Variants in ZNF536 observed in about 807,000 individuals in gnomAD.
ZNF536 encodes the protein zinc finger protein 536.
Under a neutral mutation model 84.5 loss-of-function variants are expected in ZNF536, and 13 were observed. That is an observed-to-expected ratio of 0.15 (90% confidence interval 0.10 to 0.24). The LOEUF (loss-of-function observed/expected upper bound fraction) is 0.24, where lower values mean the gene tolerates loss of function less well. ZNF536 is among the 10% of genes least tolerant of loss of function. The pLI is 1.00. For synonymous variants in ZNF536, 811 were observed against 742.5 expected (o/e 1.09, Z -1.50); for missense variants, 1,536 against 1,747.5 (o/e 0.88, Z 2.16).
chr19:30,634,802 C>T (rs1215475789), intron 1 of ZNF536, among the ~76,000 whole-genome samples: 1 of 151,980 alleles, frequency 6.6e-6, no homozygotes. Context: ...ATGGCTGCAT[C>T]TCCAGACCCC....
intron 2 of ZNF536, among the ~76,000 whole-genome samples, chr19:30,316,841 C>G (rs2046694737): frequency 6.6e-6 from 1 of 152,194 alleles, no homozygotes; most frequent in African/African-American, 2.4e-5. Flanking sequence ...CCGTGGAATC[C>G]CGTGCTGAGC....
At chr19:30,700,753 A>T (rs780784651) in intron 1 of ZNF536, among the ~76,000 whole-genome samples, 7 of 152,194 alleles carry the variant, frequency 4.6e-5, no homozygotes, top group African/African-American at 9.7e-5. Context: ...GGTCAAATGT[A>T]TCCAATTGAC....
chr19:30,617,964 T>C (rs977183278), intron 1 of ZNF536, among the ~76,000 whole-genome samples: 1 of 151,524 alleles, frequency 6.6e-6, no homozygotes, highest in Non-Finnish European at 1.5e-5. Flanking sequence ...ACAAAAAGAG[T>C]GTTTGTTTTC....
chr19:30,358,139 T>C (rs766323865), intron 3 of ZNF536, among the ~76,000 whole-genome samples: 2 of 152,316 alleles, frequency 1.3e-5, no homozygotes, highest in Non-Finnish European at 1.5e-5. Flanking sequence ...GGTACTGTCC[T>C]CCTGAATTCT....
intron 2 of ZNF536, among the ~76,000 whole-genome samples, chr19:30,326,795 T>TTTTTTTTTTTTTG: frequency 8.5e-6 from 1 of 117,146 alleles, no homozygotes; most frequent in Non-Finnish European, 1.7e-5. Context: ...AAAAAGCTTT[T>TTTTTTTTTTTTTG]TTTTTTTTTT....
In ZNF536 at chr19:30,444,340, C is replaced by A. The variant is rs1246755420; in HGVS notation, c.778C>A (p.Pro260Thr). Residue 260 changes from proline (P) to threonine (T), a missense_variant, in exon 2 of 5, where the codon CCT becomes ACT. Transcript: ENST00000355537. ...DVAHPVPSPK[P>T]ASVQEDAVAP... ...GGCCCACCCGGTGCCCTCGCCCAAGCCTGCCAGCGTGCAGGAGGACGCGGT... is the reference window on the plus strand; with the variant it reads ...GGCCCACCCGGTGCCCTCGCCCAAGACTGCCAGCGTGCAGGAGGACGCGGT... The A allele has an allele frequency of 6.3e-7, 1 of 1,596,134 alleles. No individual in the cohort carries two copies. The highest frequency in any genetic ancestry group is 2.2e-5 in the East Asian group (1 of 44,644).
At chr19:30,378,549 G>A (rs1364171112) in intron 1 of ZNF536, among the ~76,000 whole-genome samples, 5 of 152,188 alleles carry the variant, frequency 3.3e-5, no homozygotes, top group Non-Finnish European at 5.9e-5. Context: ...TCCCACACAT[G>A]CTAGTGGTGC....
At chr19:30,242,589 C>T (rs1221454319) in intron 1 of ZNF536, among the ~76,000 whole-genome samples, 1 of 152,176 alleles carries the variant, frequency 6.6e-6, no homozygotes, top group Non-Finnish European at 1.5e-5. Flanking sequence ...GTCCCTGCCC[C>T]CAAGGGGATT....
At chr19:30,593,815 G>T (rs2047354847) in intron 1 of ZNF536, among the ~76,000 whole-genome samples, 2 of 152,260 alleles carry the variant, frequency 1.3e-5, no homozygotes, top group South Asian at 4.1e-4. Flanking sequence ...GAGAGCTGGG[G>T]TCTGCCAGCC....
chr19:30,310,806 G>C (rs1028451418), intron 2 of ZNF536, among the ~76,000 whole-genome samples: 2 of 152,212 alleles, frequency 1.3e-5, no homozygotes, highest in East Asian at 3.9e-4. Context: ...TTAACGCCGA[G>C]CACTTTCTTC....
At position 30,531,020 on chromosome 19, in the gene ZNF536, C is replaced by T. The variant is rs536128789; in HGVS notation, c.2171-3827C>T. Among the ~76,000 whole-genome samples, 294 of 152,278 alleles carry T rather than the reference C, an allele frequency of 1.9e-3. 1 individual carries two copies. Among genetic ancestry groups the T allele is most frequent in the African/African-American group, 6.2e-3 (256 of 41,566 alleles). ...CTTCACTGTGCTTGGCTTTCAGCCT[C>T]TCTGGACACTTCCTGGGACCACCCA... On this transcript the variant is annotated intron_variant, in intron 2 of 4. Coordinates refer to ENST00000355537, the MANE Select transcript of ZNF536 (RefSeq NM_014717.3).
At chr19:30,335,683 G>T (rs1435057880) in intron 2 of ZNF536, among the ~76,000 whole-genome samples, 2 of 152,186 alleles carry the variant, frequency 1.3e-5, no homozygotes, top group East Asian at 1.9e-4. Flanking sequence ...GAGAAGCTGC[G>T]AGTGCCACTT....
At chr19:30,466,560 T>A (rs1006217918) in intron 2 of ZNF536, among the ~76,000 whole-genome samples, 1 of 116,638 alleles carries the variant, frequency 8.6e-6, no homozygotes, top group South Asian at 3.2e-4. Context: ...GAAACCCTGT[T>A]AGAAAGAAAG....
At chr19:30,661,151 G>A (rs1198817812) in intron 1 of ZNF536, among the ~76,000 whole-genome samples, 1 of 152,066 alleles carries the variant, frequency 6.6e-6, no homozygotes, top group African/African-American at 2.4e-5. Context: ...GGAGTTGCAA[G>A]TTGAAAAAAA....
intron 1 of ZNF536, among the ~76,000 whole-genome samples, chr19:30,438,057 A>G (rs922208952): frequency 1.3e-5 from 2 of 152,172 alleles, no homozygotes; most frequent in Admixed American, 1.3e-4. Context: ...CCTTAAGCCC[A>G]GGATCATGGC....
At chr19:30,473,700 C>T (rs2053732863) in intron 2 of ZNF536, among the ~76,000 whole-genome samples, 2 of 152,216 alleles carry the variant, frequency 1.3e-5, no homozygotes, top group Admixed American at 1.3e-4. Context: ...TACTAAATGT[C>T]CTTTGAGTCA....
At chr19:30,513,361 A>G (rs1256320146) in intron 2 of ZNF536, among the ~76,000 whole-genome samples, 2 of 152,180 alleles carry the variant, frequency 1.3e-5, no homozygotes, top group Admixed American at 6.5e-5. Context: ...GGAGTCCTAC[A>G]TCCCAGGTGC....
At chr19:30,277,432 G>A (rs2045276432) in intron 1 of ZNF536, among the ~76,000 whole-genome samples, 1 of 152,198 alleles carries the variant, frequency 6.6e-6, no homozygotes, top group South Asian at 2.1e-4. Context: ...TCTGATGTCT[G>A]TGTATCCTGA....
chr19:30,654,411 C>T (rs946083208), intron 1 of ZNF536, among the ~76,000 whole-genome samples: 1 of 151,892 alleles, frequency 6.6e-6, no homozygotes, highest in African/African-American at 2.4e-5. Flanking sequence ...CCCTCACCAC[C>T]CCCCTTATTC....
Sources: allele counts gnomAD v4.1 joint callset (sites outside exome capture counted in the v4.1 genomes callset), GRCh38; gene constraint gnomAD v4.1.1; transcripts MANE v1.5; gene names NCBI Gene and HGNC (gene_info 2026-07-23, HGNC 2026-07-21).